AFG2A: variants seen among roughly 807,000 people sequenced by gnomAD.
AFG2A encodes the protein ATPase family gene 2 protein homolog A.
At chr4:123,170,380 C>G in the AFG2A span, among the ~76,000 whole-genome samples, 1 of 152,008 alleles carries the variant, frequency 6.6e-6, no homozygotes, top group Non-Finnish European at 1.5e-5. Context: ...TTTTCTATAC[C>G]CCTATCGTCA....
chr4:123,037,387 A>G, the AFG2A span, among the ~76,000 whole-genome samples: 1 of 152,082 alleles, frequency 6.6e-6, no homozygotes, highest in Non-Finnish European at 1.5e-5. Flanking sequence ...TGGCCATGGA[A>G]TGTTAAAAGT....
the AFG2A span, among the ~76,000 whole-genome samples, chr4:122,925,532 G>A: frequency 6.6e-6 from 1 of 152,138 alleles, no homozygotes; most frequent in Non-Finnish European, 1.5e-5. Flanking sequence ...TCCTGAGGAT[G>A]CGCCATACCC....
chr4:123,019,457 A>G, the AFG2A span, among the ~76,000 whole-genome samples: 4 of 152,202 alleles, frequency 2.6e-5, no homozygotes, highest in Non-Finnish European at 5.9e-5. Context: ...AATATTAACA[A>G]GGATTACTTT....
the AFG2A span, among the ~76,000 whole-genome samples, chr4:123,145,043 A>G: frequency 6.6e-6 from 1 of 152,054 alleles, no homozygotes; most frequent in Non-Finnish European, 1.5e-5. Flanking sequence ...ATTGCTGTTT[A>G]TCTTTTTGTT....
the AFG2A span, among the ~76,000 whole-genome samples, chr4:123,133,016 A>G: frequency 2.0e-5 from 3 of 151,974 alleles, no homozygotes; most frequent in Non-Finnish European, 2.9e-5. Flanking sequence ...TCCTGACCTC[A>G]TGATCCGCCC....
At chr4:123,142,155 T>G in the AFG2A span, among the ~76,000 whole-genome samples, 2 of 152,208 alleles carry the variant, frequency 1.3e-5, no homozygotes, top group African/African-American at 2.4e-5. Flanking sequence ...TGTATCACTG[T>G]GAAGTTTTTA....
the AFG2A span, among the ~76,000 whole-genome samples, chr4:123,007,546 ATGTATGTGTGTGTGTGTGTATATG>A: frequency 9.9e-6 from 1 of 101,280 alleles, no homozygotes; most frequent in Non-Finnish European, 2.1e-5. Context: ...ATATATGTGT[ATGTATGTGTGTGTGTGTGTATATG>A]TGTGTGTGTG....
chr4:122,935,647 C>CT, the AFG2A span: 1 of 1,465,616 alleles, frequency 6.8e-7, no homozygotes, highest in Non-Finnish European at 9.1e-7. Flanking sequence ...CATGTTTGAA[C>CT]TTGTATGACA....
At chr4:123,002,845 T>G in the AFG2A span, among the ~76,000 whole-genome samples, 1 of 152,190 alleles carries the variant, frequency 6.6e-6, no homozygotes, top group African/African-American at 2.4e-5. Flanking sequence ...AATCTGAATG[T>G]TGGCCTGCCT....
the AFG2A span, chr4:122,929,252 A>G: frequency 1.4e-6 from 2 of 1,478,634 alleles, no homozygotes; most frequent in African/African-American, 1.4e-5. Flanking sequence ...GTAGAAATAT[A>G]AGAGTCACAA....
the AFG2A span, among the ~76,000 whole-genome samples, chr4:123,215,800 G>A: frequency 6.6e-6 from 1 of 152,090 alleles, no homozygotes; most frequent in African/African-American, 2.4e-5. Flanking sequence ...TCAAAAGTGT[G>A]ACAAGATGAA....
At chr4:123,236,782 T>C in the AFG2A span, among the ~76,000 whole-genome samples, 1 of 152,208 alleles carries the variant, frequency 6.6e-6, no homozygotes, top group African/African-American at 2.4e-5. Flanking sequence ...GGCAAGCTTA[T>C]TAAACATGCA....
chr4:123,006,890 T>G, the AFG2A span, among the ~76,000 whole-genome samples: 1 of 55,026 alleles, frequency 1.8e-5, no homozygotes, highest in Non-Finnish European at 4.5e-5. Context: ...TTTCTTTGCA[T>G]GCTTGTTATT....
chr4:123,089,785 G>A, the AFG2A span, among the ~76,000 whole-genome samples: 29 of 151,868 alleles, frequency 1.9e-4, no homozygotes, highest in African/African-American at 6.5e-4. Flanking sequence ...ACGGGGTTTC[G>A]CCATGTTGGC....
the AFG2A span, among the ~76,000 whole-genome samples, chr4:123,308,163 A>C: frequency 2.2e-3 from 333 of 152,374 alleles, 2 homozygotes; most frequent in African/African-American, 7.6e-3. Context: ...AAATAACAAA[A>C]GCATAGCTGT....
At chr4:123,160,849 C>T in the AFG2A span, among the ~76,000 whole-genome samples, 2 of 152,026 alleles carry the variant, frequency 1.3e-5, no homozygotes, top group African/African-American at 4.8e-5. Flanking sequence ...CCTATGATGA[C>T]ATTTAATTTA....
chr4:123,211,946 G>A, the AFG2A span, among the ~76,000 whole-genome samples: 1 of 152,100 alleles, frequency 6.6e-6, no homozygotes, highest in Non-Finnish European at 1.5e-5. Context: ...AATCATAGAA[G>A]ACGTCTGGAA....
chr4:123,286,391 G>A, the AFG2A span, among the ~76,000 whole-genome samples: 21 of 152,184 alleles, frequency 1.4e-4, no homozygotes, highest in Admixed American at 1.2e-3. Flanking sequence ...ATTTTTAAAA[G>A]AACTACTTTT....
At chr4:122,978,413 G>C in the AFG2A span, among the ~76,000 whole-genome samples, 1 of 152,232 alleles carries the variant, frequency 6.6e-6, no homozygotes, top group Non-Finnish European at 1.5e-5. Flanking sequence ...GTCTGGCTGA[G>C]TCGGGTTTTT....
Sources: gnomAD v4.1 joint callset for allele counts (sites outside exome capture counted in the v4.1 genomes callset) on GRCh38, gnomAD v4.1.1 for gene constraint, MANE v1.5 for transcripts, NCBI Gene and HGNC (gene_info 2026-07-23, HGNC 2026-07-21) for gene names.